SMURF1: variants seen among roughly 807,000 people sequenced by gnomAD.
SMURF1 encodes the protein SMAD specific E3 ubiquitin protein ligase 1.
In SMURF1, 44 loss-of-function variants were observed where a neutral mutation model predicts 98.0. The ratio of observed to expected loss-of-function variants is 0.45; its 90% CI spans 0.35 to 0.58. The LOEUF is 0.58. SMURF1 is among the 20% of genes least tolerant of loss of function. The pLI, the probability that SMURF1 is intolerant of heterozygous loss-of-function variation, is 0.00. For synonymous variants in SMURF1, 396 were observed against 374.9 expected, an observed-to-expected ratio of 1.06 and a Z score of -0.65; for missense variants, 687 against 938.4, an observed-to-expected ratio of 0.73 and a Z score of 3.50.
chr7:99,087,329 A>T (rs923456939), intron 1 of SMURF1, among the ~76,000 whole-genome samples: 2 of 152,076 alleles, frequency 1.3e-5, no homozygotes, highest in African/African-American at 4.8e-5. Flanking sequence ...AAGCTTCAAT[A>T]AGCTATGAGT....
chr7:99,052,247 G>T lies in SMURF1; in HGVS notation c.679C>A (p.Arg227=), dbSNP rs1252514284. The T allele has an allele frequency of 6.3e-7, 1 of 1,595,976 alleles. No individual in the cohort carries two copies. Among genetic ancestry groups the T allele is most frequent in the Admixed American group, 1.7e-5 (1 of 58,590 alleles). The change falls in exon 7 of 18, where the codon CGA becomes AGA. Residue 227 remains arginine (R), a synonymous_variant. Coordinates refer to ENST00000361368, the MANE Select transcript of SMURF1 (RefSeq NM_181349.3). ...VRGSLQTPQN[R]PHGHQSPELP... ...TCCGGGGACTGGTGGCCGTGTGGTC[G>T]GTTCTGGGGCGTCTGTAGTGAACCT...
intron 1 of SMURF1, among the ~76,000 whole-genome samples, chr7:99,064,664 C>G (rs986443108): frequency 6.6e-6 from 1 of 152,084 alleles, no homozygotes; most frequent in African/African-American, 2.4e-5. Context: ...TGTAATATTC[C>G]TTGATAATCA....
chr7:99,080,782 G>A (rs1430286178), intron 1 of SMURF1, among the ~76,000 whole-genome samples: 1 of 152,176 alleles, frequency 6.6e-6, no homozygotes, highest in Non-Finnish European at 1.5e-5. Context: ...ACAGGCGATG[G>A]TAGATTCCTC....
chr7:99,040,351 GGTGACCGGCC>G lies in SMURF1; in HGVS notation c.1550+17_1550+26del. Reference sequence around the variant, plus strand: ...AGACGTGGTGGTGGGCCCTAAGCCAGGTGACCGGCCGTCAGTCAATACTTACAGGATCCAC... The same window carrying G: ...AGACGTGGTGGTGGGCCCTAAGCCAGGTCAGTCAATACTTACAGGATCCAC... On this transcript the variant is annotated intron_variant, in intron 13 of 17. Coordinates refer to ENST00000361368, the MANE Select transcript of SMURF1 (RefSeq NM_181349.3). 1 of 1,441,390 alleles carries G rather than the reference GGTGACCGGCC, an allele frequency of 6.9e-7. No individual in the cohort carries two copies. The highest frequency in any genetic ancestry group is 9.2e-7 in the Non-Finnish European group (1 of 1,090,452). 89.3% of individuals were successfully genotyped at this position (1,441,390 alleles called of 1,614,324 possible).
chr7:99,074,590 G>A (rs975935060), intron 1 of SMURF1, among the ~76,000 whole-genome samples: 7 of 151,894 alleles, frequency 4.6e-5, no homozygotes, highest in Non-Finnish European at 7.4e-5. Context: ...ATACAATAAC[G>A]TAAAAACTAG....
chr7:99,035,995 C>T, intron 15 of SMURF1: 1 of 456,118 alleles, frequency 2.2e-6, no homozygotes, highest in Non-Finnish European at 4.0e-6. Flanking sequence ...TTTTGCTCTG[C>T]ATCGGTGAGG....
intron 1 of SMURF1, among the ~76,000 whole-genome samples, chr7:99,133,178 T>C (rs1017871713): frequency 6.6e-6 from 1 of 152,178 alleles, no homozygotes; most frequent in Non-Finnish European, 1.5e-5. Context: ...ATTGCACCAA[T>C]GTAAACAGTT....
chr7:99,032,949 C>T, intron 17 of SMURF1, 88 bp downstream of exon 17: 1 of 1,418,974 alleles, frequency 7.0e-7, no homozygotes, highest in Non-Finnish European at 9.7e-7. Context: ...GAGACTCCAT[C>T]TCAAAAAAAA....
chr7:99,085,822 A>G (rs1465295623), intron 1 of SMURF1, among the ~76,000 whole-genome samples: 1 of 152,288 alleles, frequency 6.6e-6, no homozygotes, highest in East Asian at 1.9e-4. Flanking sequence ...CCTTTTCCAG[A>G]ATGTCACATA....
intron 14 of SMURF1, 90 bp downstream of exon 14, chr7:99,038,298 G>A (rs1795233154): frequency 6.8e-7 from 1 of 1,461,714 alleles, no homozygotes; most frequent in East Asian, 2.3e-5. Flanking sequence ...TCAGGGACAT[G>A]CAGGCCTCAC....
rs540043612 is a variant in SMURF1, at chr7:99,126,976, G to C, written c.55+16750C>G. 7.2e-5 allele frequency among the ~76,000 whole-genome samples: 11 copies of C among 152,322 alleles called. No homozygotes were observed. In the East Asian group the frequency reaches 9.7e-4, roughly 13 times the overall value. On this transcript the variant is annotated intron_variant, in intron 1 of 17. Transcript: ENST00000361368. ...ATAGGTTGGGTCTGAGCAGGGGCCG[G>C]GGGGAAGGGCCAGCTTCGGCTTCAC...
intron 1 of SMURF1, among the ~76,000 whole-genome samples, chr7:99,137,250 A>G (rs980654992): frequency 2.0e-5 from 3 of 152,218 alleles, no homozygotes; most frequent in African/African-American, 7.2e-5. Context: ...TAAATAATTC[A>G]TAACTACTCA....
At chr7:99,093,220 TAAG>T (rs1796854357) in intron 1 of SMURF1, among the ~76,000 whole-genome samples, 1 of 152,196 alleles carries the variant, frequency 6.6e-6, no homozygotes, top group African/African-American at 2.4e-5. Flanking sequence ...TCCAGAATTA[TAAG>T]AAGGTTTCGT....
intron 1 of SMURF1, among the ~76,000 whole-genome samples, chr7:99,066,784 GAAAAAAA>G (rs111395590): frequency 4.3e-5 from 4 of 92,570 alleles, no homozygotes; most frequent in Non-Finnish European, 9.4e-5. Context: ...GTCTCAAAAA[GAAAAAAA>G]AAAAAAAAGA....
chr7:99,036,024 G>A lies in SMURF1; in HGVS notation c.1810-308C>T, dbSNP rs1039573541. 4.9e-5 allele frequency: 20 copies of A among 410,010 alleles called. No individual in the cohort carries two copies. The Admixed American group carries it at 6.6e-4, about 13-fold the overall frequency. 25.4% of individuals were successfully genotyped at this position (410,010 alleles called of 1,614,324 possible). ...GGTGAGGAGTATCAAAGAACCAACC[G>A]GTGACACTGAACAGAGCTAACCATG... On this transcript the variant is annotated intron_variant, in intron 15 of 17. Transcript: ENST00000361368.
intron 5 of SMURF1, among the ~76,000 whole-genome samples, chr7:99,055,715 A>C (rs1462999238): frequency 2.0e-5 from 3 of 152,140 alleles, no homozygotes; most frequent in Non-Finnish European, 2.9e-5. Context: ...CTGTAATACC[A>C]GCACTCTGGG....
intron 1 of SMURF1, among the ~76,000 whole-genome samples, chr7:99,115,834 A>C (rs1257531966): frequency 1.3e-5 from 2 of 152,196 alleles, no homozygotes; most frequent in African/African-American, 4.8e-5. Flanking sequence ...AAAAACTCTA[A>C]GACCAGATGG....
intron 1 of SMURF1, among the ~76,000 whole-genome samples, chr7:99,138,296 C>A (rs1313373974): frequency 6.6e-6 from 1 of 152,154 alleles, no homozygotes. Context: ...ATAAAACGCA[C>A]AATTCAGCTA....
chr7:99,124,864 T>G (rs1311088699), intron 1 of SMURF1, among the ~76,000 whole-genome samples: 2 of 152,196 alleles, frequency 1.3e-5, no homozygotes, highest in Non-Finnish European at 2.9e-5. Flanking sequence ...ATACAAAAAT[T>G]TAACTTACTT....
Sources: gnomAD v4.1 joint callset for allele counts (sites outside exome capture counted in the v4.1 genomes callset) on GRCh38, gnomAD v4.1.1 for gene constraint, MANE v1.5 for transcripts, NCBI Gene and HGNC (gene_info 2026-07-23, HGNC 2026-07-21) for gene names.